Variants in IL18R1 observed in about 807,000 individuals in gnomAD.
The protein encoded by IL18R1 is interleukin-18 receptor 1.
IL18R1 carries 40 observed loss-of-function variants against 48.5 expected under a neutral mutation model. That is an observed-to-expected ratio of 0.82 (90% CI 0.64 to 1.07). The LOEUF is 1.07. IL18R1 is among the 50% of genes least tolerant of loss of function. The pLI, the probability that IL18R1 is intolerant of heterozygous loss-of-function variation, is 0.00. For synonymous variants in IL18R1, 232 were observed against 225.9 expected (o/e 1.03, Z -0.24); for missense variants, 596 against 633.7 (o/e 0.94, Z 0.64).
At chr2:102,378,954 T>A (rs1304155779) in intron 5 of IL18R1, among the ~76,000 whole-genome samples, 2 of 152,228 alleles carry the variant, frequency 1.3e-5, no homozygotes, top group African/African-American at 4.8e-5. Flanking sequence ...TCGTGCCTTC[T>A]CCATGTTGTG....
chr2:102,384,732 T>G (rs943564586), intron 6 of IL18R1, 146 bp from the exon 7 acceptor site: 6 of 761,028 alleles, frequency 7.9e-6, no homozygotes, highest in Non-Finnish European at 1.0e-5. Context: ...ATATTTTGTT[T>G]TATTTAAAGC....
Position 102,367,846 on chromosome 2 carries a change from A to C in IL18R1, c.80A>C (p.His27Pro). 6.2e-7 allele frequency: 1 copy of C among 1,613,596 alleles called. No individual in the cohort carries two copies. The highest frequency in any genetic ancestry group is 8.5e-7 in the Non-Finnish European group (1 of 1,179,578). ...STAESCTSRP[H>P]ITVVEGEPFY... ...GAAGAATCTTGTACTTCACGTCCCCACATTACTGTGGTTGAAGGGGAACCT... is the reference window on the plus strand; with the variant it reads ...GAAGAATCTTGTACTTCACGTCCCCCCATTACTGTGGTTGAAGGGGAACCT... The change falls in exon 3 of 11, where the codon CAC becomes CCC. Residue 27 changes from histidine to proline, a missense_variant. By Grantham distance (77) the His-to-Pro change is moderately conservative. Transcript: ENST00000233957.
At position 102,356,206 on chromosome 2, in the gene IL18R1, TC is replaced by T. The variant is rs1678237308; in HGVS notation, c.-222del. On this transcript the variant is annotated 5_prime_UTR_variant, in exon 1 of 11. Coordinates refer to ENST00000233957, the MANE Select transcript of IL18R1 (RefSeq NM_003855.5). ...TGTTCCTACTTTTTTTCCTTCTTCT[TC>T]TTTTTTTTTTTTTTTGTAGCCCTCT... The T allele has an allele frequency of 8.9e-6, 2 of 223,728 alleles. No homozygotes were observed. The highest frequency in any genetic ancestry group is 1.3e-5 in the Non-Finnish European group (2 of 148,362). The allele number at this position is 223,728 out of a possible 1,614,324, so 13.9% of individuals were successfully genotyped here.
intron 1 of IL18R1, among the ~76,000 whole-genome samples, chr2:102,356,706 T>A (rs958362759): frequency 7.2e-5 from 11 of 152,170 alleles, no homozygotes; most frequent in African/African-American, 2.4e-4. Flanking sequence ...TTTTTAGATA[T>A]CTTATTTTCA....
intron 9 of IL18R1, among the ~76,000 whole-genome samples, chr2:102,392,005 T>C (rs1253507599): frequency 5.3e-5 from 8 of 152,222 alleles, no homozygotes; most frequent in Non-Finnish European, 4.4e-5. Context: ...CTGTAATTTG[T>C]CTTTTGACTT....
chr2:102,381,287 A>T (rs1439128104), intron 5 of IL18R1, among the ~76,000 whole-genome samples: 1 of 152,230 alleles, frequency 6.6e-6, no homozygotes, highest in South Asian at 2.1e-4. Flanking sequence ...GATGGAGAGA[A>T]TCGAGACAGG....
chr2:102,379,698 G>A lies in IL18R1; in HGVS notation c.626-1922G>A, dbSNP rs184723084. On this transcript the variant is annotated intron_variant, in intron 5 of 10. Transcript: ENST00000233957. ...CAGAGGGTCTTAAGACTTACTGTCAGACCAAAGAAGGCCAAAGAATTTATA... is the reference window on the plus strand; with the variant it reads ...CAGAGGGTCTTAAGACTTACTGTCAAACCAAAGAAGGCCAAAGAATTTATA... Among the ~76,000 whole-genome samples the A allele has an allele frequency of 3.2e-3, 481 of 152,260 alleles. 3 individuals carry two copies. The highest frequency in any genetic ancestry group is 0.011 in the African/African-American group (457 of 41,556).
At position 102,367,969 on chromosome 2, in the gene IL18R1, T is replaced by G; in HGVS notation, c.203T>G (p.Leu68Arg). The G allele has an allele frequency of 6.2e-7, 1 of 1,614,240 alleles. No homozygotes were observed. The highest frequency in any genetic ancestry group is 8.5e-7 in the Non-Finnish European group (1 of 1,180,044). ...AGTGGATCACAGGAACATGTGGAGC[T>G]GAACCCAAGGAGTTCCTCGAGAATT... ...KSSGSQEHVELNPRSSSRIAL... is the reference protein window; with the variant it reads ...KSSGSQEHVERNPRSSSRIAL... The change falls in exon 3 of 11, where the codon CTG (leucine) becomes CGG (arginine). Residue 68 changes from leucine (L) to arginine (R), a missense_variant. Coordinates refer to ENST00000233957, the MANE Select transcript of IL18R1 (RefSeq NM_003855.5).
At chr2:102,378,612 G>A (rs1286302687) in intron 5 of IL18R1, among the ~76,000 whole-genome samples, 1 of 152,168 alleles carries the variant, frequency 6.6e-6, no homozygotes, top group Non-Finnish European at 1.5e-5. Context: ...ATTGCTGTCA[G>A]AATTGCAATA....
intron 9 of IL18R1, among the ~76,000 whole-genome samples, chr2:102,392,072 T>C (rs1446544722): frequency 6.6e-6 from 1 of 152,236 alleles, no homozygotes; most frequent in Admixed American, 6.5e-5. Context: ...CAAATGTATC[T>C]TTTATGGTTT....
Position 102,369,190 on chromosome 2 carries a change from C to A in IL18R1, c.302+1122C>A, listed in dbSNP as rs1045399487. Among the ~76,000 whole-genome samples, 3 of 152,092 alleles carry A rather than the reference C, an allele frequency of 2.0e-5. No individual in the cohort carries two copies. In the South Asian group the frequency reaches 6.2e-4, roughly 32 times the overall value. ...GGAAAAAGAACAACAAACACCGCCC[C>A]CCCCACCACAAACTTCCAACTCCTG... is the stretch of plus-strand genomic sequence containing the variant. On this transcript the variant is annotated intron_variant, in intron 3 of 10. Coordinates refer to ENST00000233957, the MANE Select transcript of IL18R1 (RefSeq NM_003855.5).
intron 7 of IL18R1, among the ~76,000 whole-genome samples, chr2:102,386,280 C>T (rs1680219525): frequency 6.6e-6 from 1 of 152,164 alleles, no homozygotes; most frequent in African/African-American, 2.4e-5. Flanking sequence ...AACTTGAATC[C>T]TTTAAGGAAG....
intron 1 of IL18R1, among the ~76,000 whole-genome samples, chr2:102,359,677 G>A (rs1211935356): frequency 6.6e-6 from 1 of 152,036 alleles, no homozygotes; most frequent in East Asian, 1.9e-4. Flanking sequence ...GCTTCTGGGT[G>A]TGGTCGATAG....
intron 6 of IL18R1, among the ~76,000 whole-genome samples, chr2:102,381,979 T>C (rs1374527822): frequency 6.6e-6 from 1 of 152,096 alleles, no homozygotes; most frequent in Non-Finnish European, 1.5e-5. Flanking sequence ...CATTTCTAAA[T>C]ATGAAAATTT....
intron 5 of IL18R1, among the ~76,000 whole-genome samples, chr2:102,378,960 T>C (rs1679756551): frequency 1.3e-5 from 2 of 152,218 alleles, no homozygotes; most frequent in South Asian, 4.1e-4. Context: ...CTTCTCCATG[T>C]TGTGTCTTTA....
rs555200571 is a variant in IL18R1 at position 102,389,411 on chromosome 2, A to C, written c.950-645A>C. ...ATTGTCCATAATAAACATAAACGGA[A>C]TCAATCTAGAAAATGTATTTTTTTC... On this transcript the variant is annotated intron_variant, in intron 8 of 10. Transcript: ENST00000233957. Among the ~76,000 whole-genome samples, 4 of 152,362 alleles carry C rather than the reference A, an allele frequency of 2.6e-5. No individual in the cohort carries two copies. In the South Asian group the frequency reaches 8.3e-4, roughly 32 times the overall value.
intron 5 of IL18R1, among the ~76,000 whole-genome samples, chr2:102,379,799 G>T (rs1276541611): frequency 3.3e-5 from 5 of 152,186 alleles, no homozygotes; most frequent in Non-Finnish European, 2.9e-5. Flanking sequence ...TGGGGAAAAG[G>T]ATTCTAGTTT....
intron 3 of IL18R1, among the ~76,000 whole-genome samples, chr2:102,370,103 C>T (rs1679165479): frequency 1.3e-5 from 2 of 152,126 alleles, no homozygotes; most frequent in African/African-American, 4.8e-5. Context: ...TGGGCTGGGC[C>T]TGCAGCAGGA....
At position 102,356,119 on chromosome 2, in the gene IL18R1, T is replaced by G. The variant is rs1205524556; in HGVS notation, c.-310T>G. 1 of 156,748 alleles carries G rather than the reference T, an allele frequency of 6.4e-6. No individual in the cohort carries two copies. Among genetic ancestry groups the G allele is most frequent in the Non-Finnish European group, 1.4e-5 (1 of 72,434 alleles). The allele number at this position is 156,748 out of a possible 1,614,324, so 9.7% of individuals were successfully genotyped here. On this transcript the variant is annotated 5_prime_UTR_variant, in exon 1 of 11. Coordinates refer to ENST00000233957, the MANE Select transcript of IL18R1 (RefSeq NM_003855.5). ...CGCCCGACCGCGGGCAGTGCCCACCTGCAGCCTCCACCGGCCGGGGTTAGC... is the reference window on the plus strand; with the variant it reads ...CGCCCGACCGCGGGCAGTGCCCACCGGCAGCCTCCACCGGCCGGGGTTAGC...
Sources: allele counts gnomAD v4.1 joint callset (sites outside exome capture counted in the v4.1 genomes callset), GRCh38; gene constraint gnomAD v4.1.1; transcripts MANE v1.5; gene names NCBI Gene and HGNC (gene_info 2026-07-23, HGNC 2026-07-21).